Variants in NCOR2 observed in about 807,000 individuals in gnomAD.
NCOR2 encodes the protein CTG repeat protein 26.
Under a neutral mutation model 262.9 loss-of-function variants are expected in NCOR2, and 81 were observed. That is an observed-to-expected ratio of 0.31 (90% CI 0.26 to 0.37). The LOEUF is 0.37. NCOR2 is among the 10% of genes least tolerant of loss of function. The pLI, the probability that NCOR2 is intolerant of heterozygous loss-of-function variation, is 1.00. For missense variants in NCOR2, 3,385 were observed against 3,621.4 expected, an observed-to-expected ratio of 0.93 and a Z score of 1.68; for synonymous variants, 1,659 against 1,559.3, an observed-to-expected ratio of 1.06 and a Z score of -1.51.
At chr12:124,371,138 C>T (rs1047570280) in intron 20 of NCOR2, among the ~76,000 whole-genome samples, 5 of 152,116 alleles carry the variant, frequency 3.3e-5, no homozygotes, top group Non-Finnish European at 5.9e-5. Flanking sequence ...TAAAGGCCTT[C>T]TCACTGCCCT....
intron 5 of NCOR2, among the ~76,000 whole-genome samples, chr12:124,463,658 A>G (rs183564762): frequency 4.9e-4 from 74 of 152,286 alleles, no homozygotes; most frequent in African/African-American, 1.6e-3. Context: ...CTTGTCCTCC[A>G]TCTCTCCAGG....
At chr12:124,453,116 G>A (rs762742005) in intron 6 of NCOR2, among the ~76,000 whole-genome samples, 2 of 152,182 alleles carry the variant, frequency 1.3e-5, no homozygotes, top group Non-Finnish European at 2.9e-5. Flanking sequence ...GTGCATTGCT[G>A]AGGGGACGCA....
chr12:124,535,899 C>CAA (rs201084700), upstream of NCOR2, among the ~76,000 whole-genome samples: 1 of 151,038 alleles, frequency 6.6e-6, no homozygotes, highest in Non-Finnish European at 1.5e-5. Context: ...GCATCCCACA[C>CAA]CCTGGCAAGA....
intron 42 of NCOR2, 121 bp from the exon 45 acceptor site, chr12:124,332,588 C>A: frequency 8.0e-7 from 1 of 1,247,568 alleles, no homozygotes; most frequent in Non-Finnish European, 1.1e-6. Context: ...CCCGCCCCCA[C>A]GCCTGCATCC....
chr12:124,467,641 C>A (rs1323429131), intron 4 of NCOR2, among the ~76,000 whole-genome samples: 1 of 117,208 alleles, frequency 8.5e-6, no homozygotes, highest in East Asian at 2.7e-4. Context: ...CATCTTCACC[C>A]CATCATCCTT....
intron 6 of NCOR2, among the ~76,000 whole-genome samples, chr12:124,451,487 A>T (rs562982967): frequency 4.7e-4 from 72 of 152,314 alleles, no homozygotes; most frequent in South Asian, 2.7e-3. Flanking sequence ...AGCCTGAATG[A>T]CAGCCCGCCT....
At chr12:124,422,169 C>T (rs970016792) in intron 12 of NCOR2, among the ~76,000 whole-genome samples, 5 of 152,234 alleles carry the variant, frequency 3.3e-5, no homozygotes, top group Non-Finnish European at 7.3e-5. Flanking sequence ...GGACGCTCCA[C>T]GTGGCCTTTG....
At chr12:124,361,122 C>CAAAAAA (rs33951841) in intron 22 of NCOR2, among the ~76,000 whole-genome samples, 1 of 122,510 alleles carries the variant, frequency 8.2e-6, no homozygotes. Context: ...CCGTCTCAAA[C>CAAAAAA]AAAAAAAAAA....
chr12:124,388,698 C>T (rs1197686550), intron 16 of NCOR2: 12 of 1,304,388 alleles, frequency 9.2e-6, no homozygotes, highest in Non-Finnish European at 1.1e-5. Context: ...CTCTCATTCG[C>T]GTCTCCCCCT....
chr12:124,368,211 C>T (rs541601800), intron 20 of NCOR2, among the ~76,000 whole-genome samples: 2 of 152,334 alleles, frequency 1.3e-5, no homozygotes, highest in African/African-American at 2.4e-5. Context: ...CACGTGGGGC[C>T]GAGTGGGTCG....
chr12:124,519,115 C>T (rs2050027475), intron 1 of NCOR2, among the ~76,000 whole-genome samples: 1 of 151,340 alleles, frequency 6.6e-6, no homozygotes, highest in African/African-American at 2.4e-5. Context: ...CACACACACA[C>T]ACACACACAC....
rs867064743 is a variant in NCOR2 at position 124,430,648 on chromosome 12, C to T, written c.1022G>A (p.Arg341His). 4.3e-6 allele frequency: 7 copies of T among 1,613,676 alleles called. No homozygotes were observed. In the Admixed American group the frequency reaches 6.7e-5, roughly 15 times the overall value. ...GCGCTCCTGCAGCTCGCGCTGCTTGCGGATCTCAGGGAACTGCTTCTCGTA... is the reference window on the plus strand; with the variant it reads ...GCGCTCCTGCAGCTCGCGCTGCTTGTGGATCTCAGGGAACTGCTTCTCGTA... Residue 341 changes from arginine (R) to histidine (H), a missense_variant, in exon 9 of 47, where the codon CGC (arginine) becomes CAC (histidine). Arg to His is a conservative substitution (Grantham distance 29). Around this residue, in one of 5 missense-constraint regions of NCOR2, gnomAD observed 515 missense variants for 781.2 expected, o/e 0.66. Transcript: ENST00000405201.
At chr12:124,333,901 C>CATGTGTGTGTGCGT (rs1555299264) in intron 41 of NCOR2, among the ~76,000 whole-genome samples, 16 of 140,468 alleles carry the variant, frequency 1.1e-4, no homozygotes, top group East Asian at 4.3e-4. Flanking sequence ...TGTGTGCGCG[C>CATGTGTGTGTGCGT]GCATGTGTGC....
chr12:124,369,530 G>A (rs984975662), intron 20 of NCOR2, among the ~76,000 whole-genome samples: 1 of 151,980 alleles, frequency 6.6e-6, no homozygotes. Flanking sequence ...CTACTCTGAC[G>A]CATCTCGTCC....
rs960812153 is a variant in NCOR2, at chr12:124,517,685, T to TC, written c.-118+17879dup. On this transcript the variant is annotated intron_variant, in intron 1 of 46. Coordinates refer to the NCOR2 transcript ENST00000404621. This position sits in a 1 kb window ranked among gnomAD's most constrained non-coding sequence, Gnocchi z 7.6. ...CCTGAGCCCCCAAGGCTCGCCATGC[T>TC]CCCCCCCAGGGACGCCGGATGTGCA... Among the ~76,000 whole-genome samples the TC allele has an allele frequency of 1.9e-4, 29 of 151,316 alleles. No homozygotes were observed. Among genetic ancestry groups the TC allele is most frequent in the Non-Finnish European group, 4.0e-4 (27 of 67,770 alleles).
intron 45 of NCOR2, 94 bp downstream of exon 47, chr12:124,327,315 C>G (rs1224050900): frequency 9.9e-7 from 1 of 1,005,266 alleles, no homozygotes; most frequent in Non-Finnish European, 1.4e-6. Context: ...CTCCAAAGCT[C>G]GAGGAGGGGG....
At chr12:124,446,927 T>C (rs975153605) in intron 7 of NCOR2, among the ~76,000 whole-genome samples, 5 of 152,212 alleles carry the variant, frequency 3.3e-5, no homozygotes, top group African/African-American at 1.2e-4. Context: ...ATTACACATA[T>C]TTTTTGAGAC....
chr12:124,533,083 T>A (rs1594013067), intron 1 of NCOR2, among the ~76,000 whole-genome samples: 1 of 106,260 alleles, frequency 9.4e-6, no homozygotes, highest in Non-Finnish European at 1.8e-5. Flanking sequence ...TTCTCCTACC[T>A]CCAAATCCCA....
At chr12:124,460,788 C>T (rs924923511) in intron 5 of NCOR2, among the ~76,000 whole-genome samples, 13 of 152,254 alleles carry the variant, frequency 8.5e-5, no homozygotes, top group African/African-American at 2.9e-4. Context: ...CCACCTGAAC[C>T]TCTCCCATCT....
Sources: gnomAD v4.1 joint callset for allele counts (sites outside exome capture counted in the v4.1 genomes callset) on GRCh38, gnomAD v4.1.1 for gene constraint, gnomAD v4.1.1 regional missense constraint, Gnocchi (gnomAD v3.1) non-coding constraint, MANE v1.5 for transcripts, NCBI Gene and HGNC (gene_info 2026-07-23, HGNC 2026-07-21) for gene names.